The following IL1RAPL1 variants were observed in gnomAD, a reference collection of about 807,000 sequenced individuals.
IL1RAPL1 encodes the protein interleukin 1 receptor accessory protein like 1.
A neutral mutation model predicts 48.4 loss-of-function variants in IL1RAPL1; 3 were observed. The observed-to-expected ratio is 0.06, with a 90% CI of 0.03 to 0.16. The LOEUF (loss-of-function observed/expected upper bound fraction) is 0.16, where lower values mean the gene tolerates loss of function less well. IL1RAPL1 is among the 10% of genes least tolerant of loss of function. The pLI is 1.00. For missense variants in IL1RAPL1, 349 were observed against 530.6 expected (o/e 0.66, Z 3.36); for synonymous variants, 185 against 187.7 (o/e 0.99, Z 0.12).
Position 29,753,674 on chromosome X carries a change from T to C in IL1RAPL1, c.778+85170T>C, listed in dbSNP as rs1788408547. On this transcript the variant is annotated intron_variant, in intron 6 of 10. Coordinates refer to ENST00000378993, the MANE Select transcript of IL1RAPL1 (RefSeq NM_014271.4). ...AGAAGAATAAGGCCACTTCCCAGCA[T>C]GGAATGACATTATTTATTCTAGGTC... Among the ~76,000 whole-genome samples, 3 of 111,565 alleles carry C rather than the reference T, an allele frequency of 2.7e-5. No homozygotes were observed. In the Admixed American group the frequency reaches 2.9e-4, roughly 11 times the overall value.
chrX:29,212,950 C>A (rs780610350), intron 2 of IL1RAPL1, among the ~76,000 whole-genome samples: 1 of 111,800 alleles, frequency 8.9e-6, no homozygotes, highest in African/African-American at 3.2e-5. Flanking sequence ...CCGTGCAGTT[C>A]AAACCTGTGT....
intron 2 of IL1RAPL1, among the ~76,000 whole-genome samples, chrX:28,829,204 G>A (rs1263030246): frequency 9.0e-6 from 1 of 111,613 alleles, no homozygotes; most frequent in Non-Finnish European, 1.9e-5. Flanking sequence ...CTGTATCCTT[G>A]CTGAACTTGG....
intron 1 of IL1RAPL1, among the ~76,000 whole-genome samples, chrX:28,648,483 T>C (rs989985542): frequency 9.0e-6 from 1 of 111,471 alleles, no homozygotes; most frequent in African/African-American, 3.3e-5. Flanking sequence ...AAATGTTGAC[T>C]CTCTAAATAT....
At chrX:29,904,648 T>A (rs1031283651) in intron 6 of IL1RAPL1, among the ~76,000 whole-genome samples, 6 of 111,352 alleles carry the variant, frequency 5.4e-5, no homozygotes, top group African/African-American at 2.0e-4. Flanking sequence ...TGTGTTAGTT[T>A]GCTGAGGATG....
intron 6 of IL1RAPL1, among the ~76,000 whole-genome samples, chrX:29,875,471 G>C (rs780679973): frequency 1.1e-4 from 12 of 111,484 alleles, no homozygotes; most frequent in Admixed American, 1.9e-4. Flanking sequence ...TGGAATGCTT[G>C]CTATCAAAGT....
At chrX:29,657,103 A>G (rs777416456) in intron 5 of IL1RAPL1, among the ~76,000 whole-genome samples, 9 of 111,816 alleles carry the variant, frequency 8.0e-5, no homozygotes, top group East Asian at 2.8e-4. Context: ...TTCCACCACT[A>G]TGTATCAACA....
chrX:29,807,375 G>C (rs1371021118), intron 6 of IL1RAPL1, among the ~76,000 whole-genome samples: 1 of 109,071 alleles, frequency 9.2e-6, no homozygotes, highest in African/African-American at 3.3e-5. Context: ...AGCACTTTGG[G>C]AGGCTGAGAC....
intron 6 of IL1RAPL1, among the ~76,000 whole-genome samples, chrX:29,851,253 T>G (rs1279082002): frequency 8.9e-6 from 1 of 111,748 alleles, no homozygotes; most frequent in Non-Finnish European, 1.9e-5. Flanking sequence ...TGCCCCTTTA[T>G]CTCTTAAATC....
intron 5 of IL1RAPL1, among the ~76,000 whole-genome samples, chrX:29,418,374 C>T (rs1488666194): frequency 9.2e-6 from 1 of 108,664 alleles, no homozygotes; most frequent in African/African-American, 3.3e-5. Flanking sequence ...GATCTGCCCA[C>T]CTCAGCCTCC....
chrX:29,510,047 A>G (rs945557081), intron 5 of IL1RAPL1, among the ~76,000 whole-genome samples: 8 of 112,382 alleles, frequency 7.1e-5, no homozygotes, highest in African/African-American at 2.6e-4. Flanking sequence ...ATGAACCACA[A>G]ATGTGAATCT....
intron 6 of IL1RAPL1, among the ~76,000 whole-genome samples, chrX:29,782,573 G>A (rs758010717): frequency 2.0e-3 from 225 of 111,357 alleles, no homozygotes; most frequent in African/African-American, 7.0e-3. Context: ...TAAAATGGAA[G>A]GGGATGAAGG....
At chrX:29,624,264 A>C (rs1396428223) in intron 5 of IL1RAPL1, among the ~76,000 whole-genome samples, 1 of 111,625 alleles carries the variant, frequency 9.0e-6, no homozygotes, top group Non-Finnish European at 1.9e-5. Context: ...TTTTTTTGAC[A>C]GTTTTCATTG....
At chrX:29,009,237 C>T (rs1443078116) in intron 2 of IL1RAPL1, among the ~76,000 whole-genome samples, 1 of 111,605 alleles carries the variant, frequency 9.0e-6, no homozygotes, top group Non-Finnish European at 1.9e-5. Flanking sequence ...AAAAACCTGT[C>T]TATTGGGTAC....
rs764503265 is a variant in IL1RAPL1 at position 28,811,807 on chromosome X, CAT to C, written c.82+22385_82+22386del. ...CCACAAGCTGAGAGAGGAGCAGAAA[CAT>C]ATTAAGAATTCTCTAAATAACAGTA... On this transcript the variant is annotated intron_variant, in intron 2 of 10. Coordinates refer to ENST00000378993, the MANE Select transcript of IL1RAPL1 (RefSeq NM_014271.4). 2.7e-5 allele frequency among the ~76,000 whole-genome samples: 3 copies of C among 110,858 alleles called. No homozygotes were observed. The Admixed American group carries it at 2.9e-4, about 11-fold the overall frequency.
At chrX:29,458,543 TGATTA>T (rs1490056759) in intron 5 of IL1RAPL1, among the ~76,000 whole-genome samples, 1 of 111,889 alleles carries the variant, frequency 8.9e-6, no homozygotes, top group Non-Finnish European at 1.9e-5. Context: ...CAGTAGTTGG[TGATTA>T]GATTAGGATG....
At chrX:29,086,309 T>C (rs1927951059) in intron 2 of IL1RAPL1, among the ~76,000 whole-genome samples, 1 of 112,228 alleles carries the variant, frequency 8.9e-6, no homozygotes. Context: ...TAATACCAGA[T>C]TATGAAAATC....
intron 1 of IL1RAPL1, among the ~76,000 whole-genome samples, chrX:28,688,282 C>T: frequency 9.2e-6 from 1 of 109,089 alleles, no homozygotes; most frequent in Non-Finnish European, 1.9e-5. Context: ...GCCTTGACCT[C>T]CCAAGGTCCT....
chrX:29,531,118 G>A, intron 5 of IL1RAPL1, among the ~76,000 whole-genome samples: 1 of 110,869 alleles, frequency 9.0e-6, no homozygotes, highest in East Asian at 2.8e-4. Context: ...TGAACTATAA[G>A]ATGCACTCCA....
chrX:29,913,249 C>T (rs764853283), intron 6 of IL1RAPL1, among the ~76,000 whole-genome samples: 9 of 110,065 alleles, frequency 8.2e-5, no homozygotes, highest in South Asian at 3.9e-4. Flanking sequence ...TTTGCTTAGC[C>T]GCACAAATTT....
Sources: allele counts gnomAD v4.1 joint callset (sites outside exome capture counted in the v4.1 genomes callset), GRCh38; gene constraint gnomAD v4.1.1; transcripts MANE v1.5; gene names NCBI Gene and HGNC (gene_info 2026-07-23, HGNC 2026-07-21).